The following ID1 variants were observed in gnomAD, a reference collection of about 807,000 sequenced individuals.
ID1 encodes the protein inhibitor of DNA binding 1, also known as DNA-binding protein inhibitor ID-1.
In ID1, 8 loss-of-function variants were observed where a neutral mutation model predicts 11.3. The ratio of observed to expected loss-of-function variants is 0.71; its 90% CI spans 0.42 to 1.28. ID1 has a LOEUF of 1.28. Among genes scored for constraint, ID1 ranks in the 50% most tolerant of loss-of-function variants. The pLI is 0.01. For synonymous variants in ID1, 176 were observed against 100.2 expected (o/e 1.76, Z -4.52); for missense variants, 347 against 219.8 (o/e 1.58, Z -3.66).
In ID1 at chr20:31,605,832, C is replaced by T. The variant is rs1299312268; in HGVS notation, c.426+19C>T. 33 of 1,610,016 alleles carry T rather than the reference C, an allele frequency of 2.0e-5. No homozygotes were observed. Among genetic ancestry groups the T allele is most frequent in the Non-Finnish European group, 2.6e-5 (31 of 1,178,252 alleles). ...GGCCGAGGTGAGATCCAGATCCGAC[C>T]ACTAGATCATCCTTATACCGACGGG... On this transcript the variant is annotated intron_variant, in intron 1 of 1. Coordinates refer to ENST00000376112, the MANE Select transcript of ID1 (RefSeq NM_002165.4).
rs1036282547 is a variant in ID1, at chr20:31,606,301, C to T, written c.*207C>T. 18 of 597,298 alleles carry T rather than the reference C, an allele frequency of 3.0e-5. No homozygotes were observed. The highest frequency in any genetic ancestry group is 4.0e-5 in the Non-Finnish European group (13 of 327,712). 37.0% of individuals were successfully genotyped at this position (597,298 alleles called of 1,614,324 possible). A position where few individuals can be genotyped will look rare whatever the true frequency, so the allele number is the denominator to read the frequency against. On this transcript the variant is annotated 3_prime_UTR_variant, in exon 2 of 2. Transcript: ENST00000376112. ...CGCTCCTCTCTGCACACCTACTAGT[C>T]ACCAGAGACTTTAGGGGGTGGGATT... is the stretch of plus-strand genomic sequence containing the variant.
Position 31,606,170 on chromosome 20 carries a change from C to A in ID1, c.*76C>A. ...AATTACGTGCTCTGTGGGTCTCCCCCAACGCGCCTCGCCGGATCTGAGGGA... is the reference window on the plus strand; with the variant it reads ...AATTACGTGCTCTGTGGGTCTCCCCAAACGCGCCTCGCCGGATCTGAGGGA... On this transcript the variant is annotated 3_prime_UTR_variant, in exon 2 of 2. Transcript: ENST00000376112. 1 of 1,451,558 alleles carries A rather than the reference C, an allele frequency of 6.9e-7. No homozygotes were observed. The highest frequency in any genetic ancestry group is 9.6e-7 in the Non-Finnish European group (1 of 1,040,738). The allele number at this position is 1,451,558 out of a possible 1,614,324, so 89.9% of individuals were successfully genotyped here.
rs73235783 is a variant in ID1 at position 31,605,893 on chromosome 20, C to T, written c.426+80C>T. ...CCAGAGAGGGCGTGGGCGCTTGCAC[C>T]ACTTCCGTCCCATCCTTGCGGGTAC... On this transcript the variant is annotated intron_variant, in intron 1 of 1. Transcript: ENST00000376112. 7,706 of 1,582,478 alleles carry T rather than the reference C, an allele frequency of 4.9e-3. 289 individuals carry two copies. The African/African-American group carries it at 0.09, about 19-fold the overall frequency.
At position 31,606,008 on chromosome 20, in the gene ID1, G is replaced by C; in HGVS notation, c.427-45G>C. On this transcript the variant is annotated intron_variant, in intron 1 of 1. Transcript: ENST00000376112. ...GGGGGCGTTCGCTGCGCTCGGAGCG[G>C]CGTCCCTTCCAACCCGCCGGTCTCA... The C allele has an allele frequency of 1.9e-6, 3 of 1,609,210 alleles. No homozygotes were observed. The South Asian group carries it at 3.3e-5, about 18-fold the overall frequency.
At position 31,605,817 on chromosome 20, in the gene ID1, A is replaced by G; in HGVS notation, c.426+4A>G. The stretch of plus-strand genomic sequence containing the variant: ...GATCAGCGCCCTGACGGCCGAGGTG[A>G]GATCCAGATCCGACCACTAGATCAT... On this transcript the variant is annotated splice_donor_region_variant and intron_variant, in intron 1 of 1. Coordinates refer to ENST00000376112, the MANE Select transcript of ID1 (RefSeq NM_002165.4). 2 of 1,611,124 alleles carry G rather than the reference A, an allele frequency of 1.2e-6. No homozygotes were observed.
rs974838708 is a variant in ID1, at chr20:31,605,328, C to T, written c.-60C>T. On this transcript the variant is annotated 5_prime_UTR_variant, in exon 1 of 2. Transcript: ENST00000376112. ...ACTGTTCCATTTTCCGTATCTGCTT[C>T]GGGCTTCCACCTCATTTTTTTCGCT... 3.5e-5 allele frequency: 51 copies of T among 1,474,482 alleles called. No individual in the cohort carries two copies. The highest frequency in any genetic ancestry group is 1.7e-4 in the East Asian group (7 of 42,050). The allele number at this position is 1,474,482 out of a possible 1,614,324, so 91.3% of individuals were successfully genotyped here. A position where few individuals can be genotyped will look rare whatever the true frequency, so the allele number is the denominator to read the frequency against.
Position 31,605,745 on chromosome 20 carries a change from G to C in ID1, c.358G>C (p.Gly120Arg). ...NSESEVGTPG[G>R]RGLPVRAPLS... is the part of the protein sequence containing the mutation. ...GGAATCCGAAGTTGGAACCCCCGGG[G>C]GCCGAGGGCTGCCGGTCCGGGCTCC... Residue 120 changes from glycine (G) to arginine (R), a missense_variant, in exon 1 of 2, where the codon GGC becomes CGC. Transcript: ENST00000376112. 2 of 1,610,586 alleles carry C rather than the reference G, an allele frequency of 1.2e-6. No homozygotes were observed. Among genetic ancestry groups the C allele is most frequent in the South Asian group, 2.2e-5 (2 of 90,604 alleles).
At chr20:31,605,868 C>G (rs1334780732) in intron 1 of ID1, 55 bp downstream of exon 1, 3 of 1,592,958 alleles carry the variant, frequency 1.9e-6, no homozygotes, top group East Asian at 2.3e-5. Context: ...GAAACGGAGG[C>G]CAGAGAGGGC....
rs1466060334 is a variant in ID1 at position 31,606,056 on chromosome 20, G to T, written c.430G>T (p.Ala144Ser). ...TCATTTCTTCTCGTTTTCACAGGCG[G>T]CATGCGTTCCTGCGGACGATCGCAT... is the stretch of plus-strand genomic sequence containing the variant. ...GEISALTAEA[A>S]CVPADDRILC... is the part of the protein sequence containing the mutation. Residue 144 changes from alanine to serine, a missense_variant, in exon 2 of 2, where the codon GCA becomes TCA. By Grantham distance (99) the Ala-to-Ser change is moderately conservative. Coordinates refer to ENST00000376112, the MANE Select transcript of ID1 (RefSeq NM_002165.4). The T allele has an allele frequency of 1.2e-6, 2 of 1,611,030 alleles. No homozygotes were observed. Among genetic ancestry groups the T allele is most frequent in the African/African-American group, 2.7e-5 (2 of 74,944 alleles).
chr20:31,605,597 C>T lies in ID1; in HGVS notation c.210C>T (p.Asn70=), dbSNP rs975434088. Residue 70 remains asparagine, a synonymous_variant, in exon 1 of 2, where the codon AAC becomes AAT. Transcript: ENST00000376112. ...TAAACGTGCTGCTCTACGACATGAA[C>T]GGCTGTTACTCACGCCTCAAGGAGC... ...QQVNVLLYDM[N]GCYSRLKELV... 6 of 1,570,012 alleles carry T rather than the reference C, an allele frequency of 3.8e-6. No homozygotes were observed. The highest frequency in any genetic ancestry group is 1.4e-5 in the African/African-American group (1 of 73,648).
chr20:31,605,774 C>T lies in ID1; in HGVS notation c.387C>T (p.Leu129=). The change falls in exon 1 of 2, where the codon CTC becomes CTT. Residue 129 remains leucine (L), a synonymous_variant. Transcript: ENST00000376112. ...GAGGGCTGCCGGTCCGGGCTCCGCTCAGCACCCTCAACGGCGAGATCAGCG... is the reference window on the plus strand; with the variant it reads ...GAGGGCTGCCGGTCCGGGCTCCGCTTAGCACCCTCAACGGCGAGATCAGCG... ...GGRGLPVRAP[L]STLNGEISAL... is the part of the protein sequence containing the mutation. The T allele has an allele frequency of 1.2e-6, 2 of 1,610,956 alleles. No individual in the cohort carries two copies. The highest frequency in any genetic ancestry group is 1.7e-6 in the Non-Finnish European group (2 of 1,178,624).
At position 31,605,736 on chromosome 20, in the gene ID1, A is replaced by AC. The variant is rs1188951576; in HGVS notation, c.354dup (p.Gly119ArgfsTer112). 2.5e-6 allele frequency: 4 copies of AC among 1,608,630 alleles called. No individual in the cohort carries two copies. The highest frequency in any genetic ancestry group is 1.1e-5 in the South Asian group (1 of 90,436). ...GCTGAACTCGGAATCCGAAGTTGGA[A>AC]CCCCCGGGGGCCGAGGGCTGCCGGT... On this transcript the variant is annotated frameshift_variant, in exon 1 of 2. Transcript: ENST00000376112. LOFTEE classifies it high-confidence loss of function.
chr20:31,605,883 G>C (rs1210968471), intron 1 of ID1, 70 bp downstream of exon 1: 26 of 1,586,286 alleles, frequency 1.6e-5, no homozygotes, highest in Non-Finnish European at 2.2e-5. Context: ...GAGGGCGTGG[G>C]CGCTTGCACC....
chr20:31,605,963 C>G lies in ID1; in HGVS notation c.427-90C>G, dbSNP rs1986091691. ...TAAGGAGCCTGGAAAAAGCGCTCCC[C>G]CGTCGTGCTTCCTGGGGAAGGGGGC... On this transcript the variant is annotated intron_variant, in intron 1 of 1. Transcript: ENST00000376112. 5 of 1,605,832 alleles carry G rather than the reference C, an allele frequency of 3.1e-6. No individual in the cohort carries two copies. The Admixed American group carries it at 5.1e-5, about 16-fold the overall frequency.
At position 31,605,675 on chromosome 20, in the gene ID1, G is replaced by A. The variant is rs1044846282; in HGVS notation, c.288G>A (p.Gln96=). 2 of 1,610,444 alleles carry A rather than the reference G, an allele frequency of 1.2e-6. No individual in the cohort carries two copies. Among genetic ancestry groups the A allele is most frequent in the South Asian group, 1.1e-5 (1 of 90,460 alleles). The change falls in exon 1 of 2, where the codon CAG becomes CAA. Residue 96 remains glutamine, a synonymous_variant. Coordinates refer to ENST00000376112, the MANE Select transcript of ID1 (RefSeq NM_002165.4). ...AGGTGAGCAAGGTGGAGATTCTCCAGCACGTCATCGACTACATCAGGGACC... is the reference window on the plus strand; with the variant it reads ...AGGTGAGCAAGGTGGAGATTCTCCAACACGTCATCGACTACATCAGGGACC... ...NRKVSKVEIL[Q]HVIDYIRDLQ...
chr20:31,605,490 CTG>C lies in ID1; in HGVS notation c.105_106del (p.Ser36Ter). On this transcript the variant is annotated frameshift_variant, in exon 1 of 2. Transcript: ENST00000376112. LOFTEE classifies it high-confidence loss of function. ...CGGTGCGGGCGAGGTGGTGCGCTGTCTGTCTGAGCAGAGCGTGGCCATCTCGC... is the reference window on the plus strand; with the variant it reads ...CGGTGCGGGCGAGGTGGTGCGCTGTCTCTGAGCAGAGCGTGGCCATCTCGC... ...ASGAGEVVRC[L>X]SEQSVAISRC... 1 of 1,604,224 alleles carries C rather than the reference CTG, an allele frequency of 6.2e-7. No individual in the cohort carries two copies.
chr20:31,605,402 T>G lies in ID1; in HGVS notation c.15T>G (p.Ser5Arg), dbSNP rs1376676773. 9.4e-6 allele frequency: 15 copies of G among 1,602,212 alleles called. No individual in the cohort carries two copies. Among genetic ancestry groups the G allele is most frequent in the Non-Finnish European group, 1.3e-5 (15 of 1,177,780 alleles). MKVA[S>R]GSTATAAAGP... is the part of the protein sequence containing the mutation. ...CGCCAAGAATCATGAAAGTCGCCAG[T>G]GGCAGCACCGCCACCGCCGCCGCGG... Residue 5 changes from serine (S) to arginine (R), a missense_variant, in exon 1 of 2, where the codon AGT becomes AGG. Coordinates refer to ENST00000376112, the MANE Select transcript of ID1 (RefSeq NM_002165.4).
In ID1 at chr20:31,605,807, G is replaced by C; in HGVS notation, c.420G>C (p.Thr140=). ...STLNGEISAL[T]AEAACVPADD... ...TCAACGGCGAGATCAGCGCCCTGAC[G>C]GCCGAGGTGAGATCCAGATCCGACC... Residue 140 remains threonine, a synonymous_variant, in exon 1 of 2, where the codon ACG becomes ACC. Coordinates refer to ENST00000376112, the MANE Select transcript of ID1 (RefSeq NM_002165.4). 6.2e-7 allele frequency: 1 copy of C among 1,611,508 alleles called. No homozygotes were observed. The highest frequency in any genetic ancestry group is 8.5e-7 in the Non-Finnish European group (1 of 1,178,954).
Position 31,605,359 on chromosome 20 carries a change from C to T in ID1, c.-29C>T, listed in dbSNP as rs1419391521. 3.2e-6 allele frequency: 5 copies of T among 1,579,062 alleles called. No individual in the cohort carries two copies. The African/African-American group carries it at 5.5e-5, about 17-fold the overall frequency. ...TCCACCTCATTTTTTTCGCTTTGCCCATTCTGTTTCAGCCAGTCGCCAAGA... is the reference window on the plus strand; with the variant it reads ...TCCACCTCATTTTTTTCGCTTTGCCTATTCTGTTTCAGCCAGTCGCCAAGA... On this transcript the variant is annotated 5_prime_UTR_variant, in exon 1 of 2. Transcript: ENST00000376112.
Sources: gnomAD v4.1 joint callset for allele counts on GRCh38, gnomAD v4.1.1 for gene constraint, MANE v1.5 for transcripts, NCBI Gene and HGNC (gene_info 2026-07-23, HGNC 2026-07-21) for gene names.